The following QRFPR variants were observed in gnomAD, a reference collection of about 807,000 sequenced individuals.
The protein encoded by QRFPR is pyroglutamylated RFamide peptide receptor.
A neutral mutation model predicts 31.3 loss-of-function variants in QRFPR; 37 were observed. That is an observed-to-expected ratio of 1.18 (90% CI 0.91 to 1.56). QRFPR has a LOEUF of 1.56. Among genes scored for constraint, QRFPR ranks in the 40% most tolerant of loss-of-function variants. The pLI is 0.00. For synonymous variants in QRFPR, 197 were observed against 192.0 expected, an observed-to-expected ratio of 1.03 and a Z score of -0.22; for missense variants, 542 against 532.5, an observed-to-expected ratio of 1.02 and a Z score of -0.18.
chr4:121,370,485 A>T (rs1428927086), intron 1 of QRFPR: 6 of 474,260 alleles, frequency 1.3e-5, no homozygotes, highest in African/African-American at 1.2e-4. Context: ...TCCCAGGAAG[A>T]GTCCATCCAG....
chr4:121,365,565 T>TTATATATATAA (rs1726097476), intron 1 of QRFPR, among the ~76,000 whole-genome samples: 1 of 16,672 alleles, frequency 6.0e-5, no homozygotes, highest in Non-Finnish European at 8.7e-5. Flanking sequence ...ATAATATATA[T>TTATATATATAA]TATATATAAT....
chr4:121,380,078 T>C (rs1381121585), intron 1 of QRFPR, among the ~76,000 whole-genome samples: 2 of 151,698 alleles, frequency 1.3e-5, no homozygotes, highest in Admixed American at 1.3e-4. Flanking sequence ...CAAAAGAACT[T>C]ATGTCCAGGT....
chr4:121,367,244 C>T lies in QRFPR; in HGVS notation c.340+13064G>A, dbSNP rs1433773630. ...GGAACATTGGTGTTGCAACATTGTG[C>T]CCACAGTCTGGGTGGCCTGGAAAGA... On this transcript the variant is annotated intron_variant, in intron 1 of 5. Transcript: ENST00000394427. 4.0e-5 allele frequency among the ~76,000 whole-genome samples: 6 copies of T among 149,778 alleles called. 1 individual carries two copies. The highest frequency in any genetic ancestry group is 1.5e-4 in the African/African-American group (6 of 40,392).
intron 3 of QRFPR, among the ~76,000 whole-genome samples, chr4:121,333,668 G>A (rs1033005910): frequency 8.5e-5 from 13 of 152,144 alleles, no homozygotes; most frequent in African/African-American, 3.1e-4. Flanking sequence ...GTACCTGCTG[G>A]TTTATTCGTA....
intron 3 of QRFPR, among the ~76,000 whole-genome samples, chr4:121,335,169 T>A (rs1725407698): frequency 1.3e-5 from 2 of 152,348 alleles, no homozygotes; most frequent in Non-Finnish European, 2.9e-5. Flanking sequence ...ATTATGTATT[T>A]AAAAAATATT....
At chr4:121,372,287 T>A (rs1726262067) in intron 1 of QRFPR, among the ~76,000 whole-genome samples, 1 of 152,158 alleles carries the variant, frequency 6.6e-6, no homozygotes, top group African/African-American at 2.4e-5. Context: ...GCGTGATTAG[T>A]TCTATGGGTA....
At chr4:121,334,703 ACAATTTTAACC>A in intron 3 of QRFPR, 1 of 298,526 alleles carries the variant, frequency 3.3e-6, no homozygotes, top group Non-Finnish European at 6.8e-6. Flanking sequence ...AGGAGCAATG[ACAATTTTAACC>A]GTCTCGTTGC....
At chr4:121,366,846 T>A (rs1726142118) in intron 1 of QRFPR, among the ~76,000 whole-genome samples, 2 of 150,234 alleles carry the variant, frequency 1.3e-5, no homozygotes, top group Admixed American at 6.6e-5. Context: ...AAGCTCTATG[T>A]TAAGACTTTG....
intron 1 of QRFPR, among the ~76,000 whole-genome samples, chr4:121,369,067 C>T (rs772390315): frequency 2.0e-5 from 3 of 152,290 alleles, no homozygotes; most frequent in Non-Finnish European, 2.9e-5. Flanking sequence ...CTCACTCTGT[C>T]GCCCAGGCTG....
chr4:121,343,545 G>T (rs1725584334), intron 1 of QRFPR, among the ~76,000 whole-genome samples: 1 of 152,184 alleles, frequency 6.6e-6, no homozygotes, highest in Non-Finnish European at 1.5e-5. Flanking sequence ...CACTGTGTTT[G>T]AATAGTTACT....
chr4:121,365,564 A>T lies in QRFPR; in HGVS notation c.340+14744T>A, dbSNP rs1427377963. Among the ~76,000 whole-genome samples the T allele has an allele frequency of 5.8e-4, 3 of 5,212 alleles. 1 individual carries two copies. Among genetic ancestry groups the T allele is most frequent in the African/African-American group, 3.1e-3 (3 of 976 alleles). 3.4% of individuals were successfully genotyped at this position (5,212 alleles called of 152,430 possible). ...ATATTATATATAATATATAATATAT[A>T]TTATATATAATATATATTATATATA... On this transcript the variant is annotated intron_variant, in intron 1 of 5. Coordinates refer to ENST00000394427, the MANE Select transcript of QRFPR (RefSeq NM_198179.3).
chr4:121,342,346 C>T (rs1725559370), intron 1 of QRFPR, among the ~76,000 whole-genome samples: 1 of 152,162 alleles, frequency 6.6e-6, no homozygotes, highest in Admixed American at 6.5e-5. Flanking sequence ...GATAGTGGAT[C>T]ATGGAACTTC....
At chr4:121,370,414 C>G (rs1726216277) in intron 1 of QRFPR, 1 of 653,546 alleles carries the variant, frequency 1.5e-6, no homozygotes, top group African/African-American at 1.8e-5. Context: ...GATGTGACGA[C>G]TAAGCTGACA....
At chr4:121,349,954 G>A (rs960679182) in intron 1 of QRFPR, among the ~76,000 whole-genome samples, 4 of 152,056 alleles carry the variant, frequency 2.6e-5, no homozygotes, top group African/African-American at 9.7e-5. Context: ...ATGAAAATAG[G>A]GCAATCACCT....
In QRFPR at chr4:121,349,863, A is replaced by G. The variant is rs185117333; in HGVS notation, c.341-9253T>C. ...ATGCCCATTTTTCATGGTACGTCAT[A>G]AATATTTTTCTCCAATAAGGCATAG... On this transcript the variant is annotated intron_variant, in intron 1 of 5. Coordinates refer to ENST00000394427, the MANE Select transcript of QRFPR (RefSeq NM_198179.3). Among the ~76,000 whole-genome samples the G allele has an allele frequency of 2.6e-5, 4 of 152,320 alleles. No homozygotes were observed. In the East Asian group the frequency reaches 5.8e-4, roughly 22 times the overall value.
intron 3 of QRFPR, among the ~76,000 whole-genome samples, chr4:121,335,098 A>G (rs999875770): frequency 6.6e-6 from 1 of 152,206 alleles, no homozygotes; most frequent in African/African-American, 2.4e-5. Context: ...AGACTCATCT[A>G]TTTGACAGTG....
At chr4:121,338,975 A>G (rs543938678) in intron 2 of QRFPR, among the ~76,000 whole-genome samples, 1 of 152,204 alleles carries the variant, frequency 6.6e-6, no homozygotes, top group African/African-American at 2.4e-5. Context: ...AAAGATGTCA[A>G]TTATTAAAAG....
intron 1 of QRFPR, among the ~76,000 whole-genome samples, chr4:121,351,374 C>T (rs1199983232): frequency 6.6e-6 from 1 of 152,108 alleles, no homozygotes; most frequent in Non-Finnish European, 1.5e-5. Context: ...TGTGTATATT[C>T]GCAGCAAAAA....
chr4:121,331,285 A>G (rs1439966871), intron 4 of QRFPR, among the ~76,000 whole-genome samples: 1 of 148,000 alleles, frequency 6.8e-6, no homozygotes, highest in East Asian at 2.0e-4. Context: ...GGGCTCAATA[A>G]GTGATCCTCC....
Sources: gnomAD v4.1 joint callset for allele counts (sites outside exome capture counted in the v4.1 genomes callset) on GRCh38, gnomAD v4.1.1 for gene constraint, MANE v1.5 for transcripts, NCBI Gene and HGNC (gene_info 2026-07-23, HGNC 2026-07-21) for gene names.